ZNF385D: variants seen among roughly 807,000 people sequenced by gnomAD.
The protein encoded by ZNF385D is zinc finger protein 385D.
A neutral mutation model predicts 35.8 loss-of-function variants in ZNF385D; 15 were observed. The observed-to-expected ratio is 0.42, with a 90% CI of 0.28 to 0.64. ZNF385D has a LOEUF of 0.64. Among genes scored for constraint, ZNF385D ranks in the 30% least tolerant of loss-of-function variants. The pLI, the probability that ZNF385D is intolerant of heterozygous loss-of-function variation, is 0.23. For synonymous variants in ZNF385D, 212 were observed against 186.8 expected (o/e 1.13, Z -1.10); for missense variants, 474 against 494.6 (o/e 0.96, Z 0.39).
At chr3:21,702,257 C>T (rs879830444) in intron 1 of ZNF385D, among the ~76,000 whole-genome samples, 9 of 152,216 alleles carry the variant, frequency 5.9e-5, no homozygotes, top group Non-Finnish European at 1.0e-4. Flanking sequence ...TTTACACCTG[C>T]AGGCTTAACA....
At chr3:22,171,979 T>A (rs991714066) in intron 2 of ZNF385D, among the ~76,000 whole-genome samples, 2 of 152,000 alleles carry the variant, frequency 1.3e-5, no homozygotes, top group African/African-American at 4.8e-5. Context: ...TAAGCAATTT[T>A]CCTCCCCAAT....
chr3:21,919,629 C>A (rs1236502587), intron 3 of ZNF385D, among the ~76,000 whole-genome samples: 1 of 152,178 alleles, frequency 6.6e-6, no homozygotes, highest in African/African-American at 2.4e-5. Flanking sequence ...ATAATTGCTG[C>A]AGGCAGACTA....
chr3:21,803,546 GA>G (rs551100411), intron 3 of ZNF385D, among the ~76,000 whole-genome samples: 38 of 151,950 alleles, frequency 2.5e-4, no homozygotes, highest in Middle Eastern at 3.2e-3. Flanking sequence ...ATTTTACAGT[GA>G]AAAAATATAT....
chr3:22,135,013 G>A (rs1704022702), intron 3 of ZNF385D, among the ~76,000 whole-genome samples: 2 of 152,072 alleles, frequency 1.3e-5, no homozygotes, highest in African/African-American at 4.8e-5. Flanking sequence ...ATCATACAAA[G>A]TATATCCTTT....
At chr3:21,697,552 C>A (rs2067515166) in intron 1 of ZNF385D, among the ~76,000 whole-genome samples, 1 of 151,950 alleles carries the variant, frequency 6.6e-6, no homozygotes, top group Admixed American at 6.6e-5. Context: ...GTGGCTGGTC[C>A]ATTTGTAACT....
chr3:21,561,746 A>G (rs1015910647), intron 3 of ZNF385D, among the ~76,000 whole-genome samples: 1 of 152,344 alleles, frequency 6.6e-6, no homozygotes, highest in East Asian at 1.9e-4. Context: ...TATTAATTAA[A>G]TTTACCATCT....
At chr3:21,853,856 T>C (rs1481371275) in intron 3 of ZNF385D, among the ~76,000 whole-genome samples, 3 of 151,870 alleles carry the variant, frequency 2.0e-5, no homozygotes, top group Non-Finnish European at 2.9e-5. Context: ...GATTATATAC[T>C]GTATAATTCC....
intron 2 of ZNF385D, among the ~76,000 whole-genome samples, chr3:22,244,055 AG>A (rs1314826759): frequency 6.6e-6 from 1 of 150,924 alleles, no homozygotes; most frequent in Non-Finnish European, 1.5e-5. Flanking sequence ...ACCAGAACAA[AG>A]TTACTGAAAA....
At chr3:21,773,231 C>T (rs1255883607) in intron 3 of ZNF385D, among the ~76,000 whole-genome samples, 1 of 151,602 alleles carries the variant, frequency 6.6e-6, no homozygotes, top group African/African-American at 2.4e-5. Context: ...TTTAACACAA[C>T]AAAAATAAAA....
chr3:21,530,675 T>C (rs1399439062), intron 3 of ZNF385D, among the ~76,000 whole-genome samples: 2 of 152,100 alleles, frequency 1.3e-5, no homozygotes, highest in Non-Finnish European at 2.9e-5. Context: ...TTTTCGTTGA[T>C]GTGTCATTCT....
chr3:21,949,128 C>G (rs990699621), intron 3 of ZNF385D, among the ~76,000 whole-genome samples: 1 of 152,002 alleles, frequency 6.6e-6, no homozygotes, highest in Non-Finnish European at 1.5e-5. Flanking sequence ...GTGACAATTC[C>G]TTTTATCATC....
At chr3:21,537,033 CTAAG>C (rs918174262) in intron 3 of ZNF385D, among the ~76,000 whole-genome samples, 1 of 149,176 alleles carries the variant, frequency 6.7e-6, no homozygotes, top group African/African-American at 2.5e-5. Context: ...CACTAAAAAA[CTAAG>C]TAATCAAGAT....
chr3:22,013,612 A>C (rs1257547534), intron 3 of ZNF385D, among the ~76,000 whole-genome samples: 1 of 152,168 alleles, frequency 6.6e-6, no homozygotes, highest in Non-Finnish European at 1.5e-5. Flanking sequence ...CAAGTCGACC[A>C]CTAGGATTAG....
rs189543100 is a variant in ZNF385D at position 22,362,193 on chromosome 3, T to G, written c.106+10257A>C. On this transcript the variant is annotated intron_variant, in intron 2 of 5. Coordinates refer to the ZNF385D transcript ENST00000494108. ...GGCTTTTTTTGTAGTGGTTCTTCAATTCTTAAGAATTTAAATTAAGAACAC... is the reference window on the plus strand; with the variant it reads ...GGCTTTTTTTGTAGTGGTTCTTCAAGTCTTAAGAATTTAAATTAAGAACAC... Among the ~76,000 whole-genome samples, 310 of 151,996 alleles carry G rather than the reference T, an allele frequency of 2.0e-3. 6 individuals carry two copies. In the South Asian group the frequency reaches 0.033, roughly 16 times the overall value.
At position 22,043,639 on chromosome 3, in the gene ZNF385D, G is replaced by GTAGGTAACTCTAGCAGAGGAGAGAGT. The variant is rs1698811058; in HGVS notation, c.325+125177_325+125178insACTCTCTCCTCTGCTAGAGTTACCTA. ...CCTTCTCTTCTAGCAGAGGAGAGAGGGTAGGTAACTTCCGAGATGCCCCAC... is the reference window on the plus strand; with the variant it reads ...CCTTCTCTTCTAGCAGAGGAGAGAGGTAGGTAACTCTAGCAGAGGAGAGAGTGTAGGTAACTTCCGAGATGCCCCAC... On this transcript the variant is annotated intron_variant, in intron 3 of 5. Coordinates refer to the ZNF385D transcript ENST00000494108. Among the ~76,000 whole-genome samples the GTAGGTAACTCTAGCAGAGGAGAGAGT allele has an allele frequency of 2.6e-5, 3 of 116,078 alleles. No individual in the cohort carries two copies. In the South Asian group the frequency reaches 1.1e-3, roughly 43 times the overall value. 76.2% of individuals were successfully genotyped at this position (116,078 alleles called of 152,430 possible). A position where few individuals can be genotyped will look rare whatever the true frequency, so the allele number is the denominator to read the frequency against.
At chr3:21,945,325 GA>G (rs1701729825) in intron 3 of ZNF385D, among the ~76,000 whole-genome samples, 1 of 152,056 alleles carries the variant, frequency 6.6e-6, no homozygotes, top group Non-Finnish European at 1.5e-5. Context: ...CTGGTCTTCA[GA>G]AAAATTTTTT....
chr3:22,198,467 G>T (rs1446538607), intron 2 of ZNF385D, among the ~76,000 whole-genome samples: 2 of 152,026 alleles, frequency 1.3e-5, no homozygotes, highest in African/African-American at 4.8e-5. Context: ...ATGGGACCTT[G>T]TTTATAGAAA....
Position 21,809,640 on chromosome 3 carries a change from A to G in ZNF385D, c.326-144612T>C, listed in dbSNP as rs559616350. Among the ~76,000 whole-genome samples the G allele has an allele frequency of 5.0e-5, 7 of 139,350 alleles. 1 individual carries two copies. The highest frequency in any genetic ancestry group is 1.5e-4 in the African/African-American group (6 of 39,932). The allele number at this position is 139,350 out of a possible 152,430, so 91.4% of individuals were successfully genotyped here. A position where few individuals can be genotyped will look rare whatever the true frequency, so the allele number is the denominator to read the frequency against. ...TATATACATACACACATATATACAC[A>G]TATACATATACATATACATATATAC... On this transcript the variant is annotated intron_variant, in intron 3 of 5. Transcript: ENST00000494108.
intron 3 of ZNF385D, among the ~76,000 whole-genome samples, chr3:22,010,452 G>A (rs1484803012): frequency 6.6e-6 from 1 of 152,156 alleles, no homozygotes; most frequent in Non-Finnish European, 1.5e-5. Flanking sequence ...TCTAAATGTT[G>A]GAGTTTATTC....
Sources: gnomAD v4.1 joint callset for allele counts (sites outside exome capture counted in the v4.1 genomes callset) on GRCh38, gnomAD v4.1.1 for gene constraint, MANE v1.5 for transcripts, NCBI Gene and HGNC (gene_info 2026-07-23, HGNC 2026-07-21) for gene names.